DOP1B: variants seen among roughly 807,000 people sequenced by gnomAD.
DOP1B encodes protein DOP1B.
A neutral mutation model predicts 233.5 loss-of-function variants in DOP1B; 174 were observed. The observed-to-expected ratio is 0.75, with a 90% CI of 0.66 to 0.85. The LOEUF (loss-of-function observed/expected upper bound fraction) is 0.85. Among genes scored for constraint, DOP1B ranks in the 40% least tolerant of loss-of-function variants. DOP1B has a pLI of 0.00. For synonymous variants in DOP1B, 1,190 were observed against 1,185.6 expected (o/e 1.00, Z -0.08); for missense variants, 2,652 against 2,846.6 (o/e 0.93, Z 1.56).
chr21:36,267,387 C>G (rs2067241822), intron 26 of DOP1B, among the ~76,000 whole-genome samples: 1 of 152,204 alleles, frequency 6.6e-6, no homozygotes, highest in Admixed American at 6.5e-5. Flanking sequence ...CATCAGCGTG[C>G]TGCAATGACT....
intron 22 of DOP1B, 94 bp downstream of exon 22, chr21:36,251,378 C>A: frequency 1.4e-6 from 2 of 1,472,032 alleles, no homozygotes; most frequent in East Asian, 2.4e-5. Flanking sequence ...TGGAAGCCAG[C>A]ATGGGAAACT....
At chr21:36,194,042 C>T (rs987440051) in intron 2 of DOP1B, among the ~76,000 whole-genome samples, 7 of 152,132 alleles carry the variant, frequency 4.6e-5, no homozygotes, top group Non-Finnish European at 7.4e-5. Context: ...AGGTAATTTG[C>T]CCGAACAGCA....
At chr21:36,211,724 T>A in intron 6 of DOP1B, 73 bp downstream of exon 6, 1 of 1,507,980 alleles carries the variant, frequency 6.6e-7, no homozygotes, top group East Asian at 2.3e-5. Flanking sequence ...CAAGCAGTTC[T>A]GTCGTACGAG....
chr21:36,234,615 A>T (rs1955848221), intron 15 of DOP1B, among the ~76,000 whole-genome samples: 2 of 151,044 alleles, frequency 1.3e-5, no homozygotes, highest in South Asian at 4.2e-4. Context: ...CAATGGCATG[A>T]TCTTGGCCTC....
intron 2 of DOP1B, among the ~76,000 whole-genome samples, chr21:36,185,520 T>C (rs2066154335): frequency 6.6e-6 from 1 of 152,188 alleles, no homozygotes; most frequent in Admixed American, 6.5e-5. Flanking sequence ...CCTCTTCTAC[T>C]GATGAAGAAA....
At position 36,247,626 on chromosome 21, in the gene DOP1B, A is replaced by C; in HGVS notation, c.4807A>C (p.Lys1603Gln). The C allele has an allele frequency of 6.5e-7, 1 of 1,545,380 alleles. No individual in the cohort carries two copies. Among genetic ancestry groups the C allele is most frequent in the South Asian group, 1.2e-5 (1 of 85,198 alleles). The change falls in exon 20 of 37, where the codon AAG (lysine) becomes CAG (glutamine). Residue 1603 changes from lysine to glutamine, a missense_variant and splice_region_variant. By Grantham distance (53) the Lys-to-Gln change is moderately conservative (BLOSUM62 1). Transcript: ENST00000691173. ...CLLEQANQNK[K>Q]TMAAGDPANL... ...TTTGGAACAAGCCAACCAAAACAAA[A>C]AGGTAAATTTTTTTTTTTCCTGAGT...
At chr21:36,262,126 T>C (rs1767326808) in intron 24 of DOP1B, among the ~76,000 whole-genome samples, 1 of 152,030 alleles carries the variant, frequency 6.6e-6, no homozygotes, top group Admixed American at 6.6e-5. Flanking sequence ...ATGACCAGGG[T>C]GGGGTTAAAT....
intron 2 of DOP1B, among the ~76,000 whole-genome samples, chr21:36,178,992 G>A (rs1232897459): frequency 6.6e-6 from 1 of 152,134 alleles, no homozygotes; most frequent in African/African-American, 2.4e-5. Flanking sequence ...GACAACCACT[G>A]ATCTGTTTTC....
At chr21:36,208,991 A>G (rs1257304216) in intron 5 of DOP1B, 87 bp downstream of exon 5, 8 of 1,349,256 alleles carry the variant, frequency 5.9e-6, no homozygotes, top group African/African-American at 1.5e-5. Flanking sequence ...TGAAGCTGCA[A>G]AGGGACATCC....
At chr21:36,214,272 C>CA in intron 8 of DOP1B, 82 bp downstream of exon 8, 1 of 1,326,960 alleles carries the variant, frequency 7.5e-7, no homozygotes, top group Non-Finnish European at 1.1e-6. Flanking sequence ...TCCACATAGG[C>CA]AGTGAGCACG....
chr21:36,276,391 C>T (rs753598570), intron 27 of DOP1B, among the ~76,000 whole-genome samples: 1 of 151,758 alleles, frequency 6.6e-6, no homozygotes, highest in Admixed American at 6.6e-5. Context: ...ATTACCTGGG[C>T]GTGGTGATGT....
Position 36,281,551 on chromosome 21 carries a change from GC to G in DOP1B, c.6101del (p.Ala2034ValfsTer18). On this transcript the variant is annotated frameshift_variant, in exon 32 of 37. Coordinates refer to ENST00000691173, the MANE Select transcript of DOP1B (RefSeq NM_001320714.2). LOFTEE classifies it high-confidence loss of function. ...GAAAGCCATGCTGTTAAAGCGCCAG[GC>G]TTTTGCTGTCTTCAGTGGAGAACTT... ...EQKAMLLKRQ[A>X]FAVFSGELDQ... 3.1e-6 allele frequency: 5 copies of G among 1,610,046 alleles called. No homozygotes were observed. The highest frequency in any genetic ancestry group is 4.2e-6 in the Non-Finnish European group (5 of 1,176,674).
intron 2 of DOP1B, among the ~76,000 whole-genome samples, chr21:36,167,762 T>G (rs1429740216): frequency 6.6e-6 from 1 of 151,682 alleles, no homozygotes; most frequent in African/African-American, 2.4e-5. Context: ...CTACGGACTT[T>G]CCATGGAAAT....
intron 10 of DOP1B, among the ~76,000 whole-genome samples, chr21:36,220,044 A>C (rs2066607879): frequency 6.6e-6 from 1 of 152,166 alleles, no homozygotes; most frequent in African/African-American, 2.4e-5. Context: ...CATTGGCCTC[A>C]CGTGCGCAGT....
intron 10 of DOP1B, 43 bp from the exon 11 acceptor site, chr21:36,223,188 A>AT (rs372238128): frequency 6.5e-7 from 1 of 1,529,010 alleles, no homozygotes; most frequent in Non-Finnish European, 8.7e-7. Context: ...GTAATTCAGG[A>AT]TTTTTTTATA....
At chr21:36,227,207 C>CA (rs955099184) in intron 12 of DOP1B, among the ~76,000 whole-genome samples, 13 of 143,098 alleles carry the variant, frequency 9.1e-5, no homozygotes, top group African/African-American at 1.0e-4. Context: ...GACTTCATCT[C>CA]AAAAAAATAA....
In DOP1B at chr21:36,263,615, G is replaced by C. The variant is rs530900445; in HGVS notation, c.5385G>C (p.Leu1795Phe). Reference sequence around the variant, plus strand: ...GAGTATTGAAAGAGTCTGTACAGTTGAATCTAGCCCCACCTGGGTATTTTC... The same window carrying C: ...GAGTATTGAAAGAGTCTGTACAGTTCAATCTAGCCCCACCTGGGTATTTTC... Reference protein sequence around the residue: ...LLGVLKESVQLNLAPPGYFLL... With the variant: ...LLGVLKESVQFNLAPPGYFLL... Residue 1795 changes from leucine (L) to phenylalanine (F), a missense_variant, in exon 25 of 37, where the codon TTG becomes TTC. Physicochemically the swap from Leu to Phe is conservative, Grantham distance 22. This residue lies in a region of DOP1B where 2,617 missense variants were observed against 2,794.3 expected (regional missense o/e 0.94). Transcript: ENST00000691173. 6.2e-7 allele frequency: 1 copy of C among 1,614,136 alleles called. No individual in the cohort carries two copies. Among genetic ancestry groups the C allele is most frequent in the South Asian group, 1.1e-5 (1 of 91,088 alleles).
At position 36,277,096 on chromosome 21, in the gene DOP1B, C is replaced by T; in HGVS notation, c.5708C>T (p.Ala1903Val). 9 of 1,613,940 alleles carry T rather than the reference C, an allele frequency of 5.6e-6. No homozygotes were observed. Among genetic ancestry groups the T allele is most frequent in the Non-Finnish European group, 7.6e-6 (9 of 1,179,902 alleles). Reference sequence around the variant, plus strand: ...AGCGTGCAAGCCCTCTCTCTCCTGGCAGAGGTAAATACACACCTGACCTGT... The same window carrying T: ...AGCGTGCAAGCCCTCTCTCTCCTGGTAGAGGTAAATACACACCTGACCTGT... ...VYSVQALSLL[A>V]EVLASLLDMV... Residue 1903 changes from alanine (A) to valine (V), a missense_variant, in exon 28 of 37, where the codon GCA becomes GTA. By Grantham distance (64) the Ala-to-Val change is moderately conservative. Transcript: ENST00000691173.
At chr21:36,214,007 A>T in intron 7 of DOP1B, 74 bp from the exon 8 acceptor site, 2 of 1,206,242 alleles carry the variant, frequency 1.7e-6, no homozygotes, top group South Asian at 1.3e-5. Context: ...ATATTGGAGC[A>T]TGAGACTTTT....
Sources: gnomAD v4.1 joint callset for allele counts (sites outside exome capture counted in the v4.1 genomes callset) on GRCh38, gnomAD v4.1.1 for gene constraint, gnomAD v4.1.1 regional missense constraint, MANE v1.5 for transcripts, NCBI Gene and HGNC (gene_info 2026-07-23, HGNC 2026-07-21) for gene names.